The following RMST variants were observed in gnomAD, a reference collection of about 807,000 sequenced individuals.
The protein encoded by RMST is rhabdomyosarcoma 2 associated transcript, also known as long intergenic non-protein coding RNA 54.
intron 10 of RMST, among the ~76,000 whole-genome samples, chr12:97,512,390 G>T (rs570875438): frequency 2.0e-5 from 3 of 152,296 alleles, no homozygotes; most frequent in South Asian, 4.1e-4. Context: ...GGTTAACACT[G>T]CTGGCTCCGG....
At chr12:97,555,435 C>T (rs1022497694) in intron 11 of RMST, among the ~76,000 whole-genome samples, 1 of 152,168 alleles carries the variant, frequency 6.6e-6, no homozygotes, top group Non-Finnish European at 1.5e-5. Flanking sequence ...TAAAATCCAA[C>T]ATCATCTACG....
chr12:97,494,199 A>G (rs1877158867), intron 8 of RMST, among the ~76,000 whole-genome samples: 2 of 152,212 alleles, frequency 1.3e-5, no homozygotes, highest in East Asian at 3.8e-4. Flanking sequence ...TAGGATCCAC[A>G]TTCTATAATA....
At chr12:97,559,032 C>T (rs758744966) in intron 11 of RMST, among the ~76,000 whole-genome samples, 43 of 152,270 alleles carry the variant, frequency 2.8e-4, no homozygotes, top group Non-Finnish European at 5.0e-4. Context: ...AAAAAATTCA[C>T]ACAGAACGAC....
chr12:97,513,252 G>A (rs1879602879), intron 10 of RMST, among the ~76,000 whole-genome samples: 1 of 152,246 alleles, frequency 6.6e-6, no homozygotes, highest in East Asian at 1.9e-4. Context: ...CAGAGGAGGT[G>A]CCGAGAGCAA....
chr12:97,523,290 C>T (rs1281451623), intron 10 of RMST, among the ~76,000 whole-genome samples: 1 of 152,126 alleles, frequency 6.6e-6, no homozygotes, highest in Non-Finnish European at 1.5e-5. Context: ...AAACCTTTGC[C>T]TTTCATTTAA....
At chr12:97,478,827 C>T (rs1414540213) in intron 5 of RMST, among the ~76,000 whole-genome samples, 1 of 152,138 alleles carries the variant, frequency 6.6e-6, no homozygotes, top group African/African-American at 2.4e-5. Flanking sequence ...CATCTGACTC[C>T]ATTTTATTCC....
intron 10 of RMST, among the ~76,000 whole-genome samples, chr12:97,509,688 A>T (rs1879080405): frequency 6.6e-6 from 1 of 152,188 alleles, no homozygotes; most frequent in African/African-American, 2.4e-5. Context: ...GTAAGATCAA[A>T]CATCACCTCC....
intron 11 of RMST, among the ~76,000 whole-genome samples, chr12:97,547,708 T>C (rs1413951937): frequency 6.6e-6 from 1 of 152,170 alleles, no homozygotes; most frequent in East Asian, 1.9e-4. Flanking sequence ...GAAATGTCTA[T>C]TCAGGTGCTT....
At chr12:97,480,690 A>G (rs1875174219) in intron 5 of RMST, among the ~76,000 whole-genome samples, 2 of 152,136 alleles carry the variant, frequency 1.3e-5, no homozygotes. Context: ...ATCTCTAACA[A>G]TTTCCTGTCT....
chr12:97,526,171 A>G (rs981996542), intron 10 of RMST, among the ~76,000 whole-genome samples: 65 of 152,108 alleles, frequency 4.3e-4, no homozygotes, highest in African/African-American at 1.5e-3. Flanking sequence ...CGCTTGAATC[A>G]TCCTGAAACC....
chr12:97,467,730 G>A (rs1873368268), intron 5 of RMST, among the ~76,000 whole-genome samples: 1 of 151,800 alleles, frequency 6.6e-6, no homozygotes, highest in Admixed American at 6.6e-5. Context: ...TTGTCTTTGT[G>A]CTGTGCCATT....
intron 11 of RMST, among the ~76,000 whole-genome samples, chr12:97,552,914 C>T (rs1302725805): frequency 6.6e-6 from 1 of 152,148 alleles, no homozygotes; most frequent in Non-Finnish European, 1.5e-5. Context: ...AGGCTCTCCT[C>T]CAGACAGAAG....
intron 11 of RMST, among the ~76,000 whole-genome samples, chr12:97,555,625 G>T (rs567035905): frequency 4.3e-4 from 66 of 152,272 alleles, no homozygotes; most frequent in Non-Finnish European, 7.2e-4. Flanking sequence ...ACAAGTGAGA[G>T]AACAAAATAA....
intron 10 of RMST, among the ~76,000 whole-genome samples, chr12:97,511,125 ACT>A (rs1879239926): frequency 6.7e-6 from 1 of 149,210 alleles, no homozygotes; most frequent in Admixed American, 6.7e-5. Context: ...ATTATAATAA[ACT>A]CTCTGGGAAA....
At chr12:97,468,473 G>C (rs937559215) in intron 5 of RMST, among the ~76,000 whole-genome samples, 2 of 151,922 alleles carry the variant, frequency 1.3e-5, no homozygotes, top group Admixed American at 1.3e-4. Flanking sequence ...TCTCTAAGCT[G>C]TTCATTCATG....
chr12:97,478,252 A>G (rs970076181), intron 5 of RMST, among the ~76,000 whole-genome samples: 1 of 152,210 alleles, frequency 6.6e-6, no homozygotes, highest in Non-Finnish European at 1.5e-5. Flanking sequence ...TCTAAGATGT[A>G]CACCATAATT....
chr12:97,525,096 C>G (rs1031584035), intron 10 of RMST, among the ~76,000 whole-genome samples: 1 of 152,180 alleles, frequency 6.6e-6, no homozygotes, highest in African/African-American at 2.4e-5. Flanking sequence ...GAAAGGACTC[C>G]TTACTTGAAA....
chr12:97,547,960 A>C (rs1883056312), intron 11 of RMST, among the ~76,000 whole-genome samples: 1 of 151,944 alleles, frequency 6.6e-6, no homozygotes, highest in Non-Finnish European at 1.5e-5. Context: ...TTTTAAAAAA[A>C]TTTATTACCT....
chr12:97,483,551 G>A (rs1875707498), intron 5 of RMST: 1 of 152,124 alleles, frequency 6.6e-6, no homozygotes, highest in African/African-American at 2.4e-5. Context: ...TCATTTTACA[G>A]AACAATGTGA....
Sources: allele counts gnomAD v4.1 joint callset (sites outside exome capture counted in the v4.1 genomes callset), GRCh38; gene constraint gnomAD v4.1.1; transcripts MANE v1.5; gene names NCBI Gene and HGNC (gene_info 2026-07-23, HGNC 2026-07-21).